Variants in UBAC2 observed in about 807,000 individuals in gnomAD.
The protein encoded by UBAC2 is UBA domain containing 2.
In UBAC2, 26 loss-of-function variants were observed where a neutral mutation model predicts 44.0. That is an observed-to-expected ratio of 0.59 (90% CI 0.43 to 0.82). UBAC2 has a LOEUF of 0.82. UBAC2 is among the 40% of genes least tolerant of loss of function. The pLI, the probability that UBAC2 is intolerant of heterozygous loss-of-function variation, is 0.00. For synonymous variants in UBAC2, 155 were observed against 154.3 expected, an observed-to-expected ratio of 1.00 and a Z score of -0.04; for missense variants, 329 against 419.4, an observed-to-expected ratio of 0.78 and a Z score of 1.88.
intron 6 of UBAC2, among the ~76,000 whole-genome samples, chr13:99,338,040 T>TTTTTTCTTTTTC (rs1341600837): frequency 3.8e-5 from 1 of 26,622 alleles, no homozygotes; most frequent in Non-Finnish European, 1.0e-4. Context: ...ACTTTTTTTC[T>TTTTTTCTTTTTC]TTTTTTCTTT....
intron 8 of UBAC2, among the ~76,000 whole-genome samples, chr13:99,370,090 A>G (rs1317857640): frequency 6.6e-6 from 1 of 152,204 alleles, no homozygotes; most frequent in Non-Finnish European, 1.5e-5. Flanking sequence ...TATGGATTGG[A>G]TATTGGTATT....
intron 4 of UBAC2, among the ~76,000 whole-genome samples, chr13:99,285,903 C>T (rs558163095): frequency 8.6e-4 from 131 of 152,268 alleles, no homozygotes; most frequent in Non-Finnish European, 1.6e-3. Context: ...ACACATCCAA[C>T]GGGGTGCCAG....
chr13:99,282,108 G>A (rs1315363907), intron 4 of UBAC2, among the ~76,000 whole-genome samples: 1 of 152,210 alleles, frequency 6.6e-6, no homozygotes, highest in Non-Finnish European at 1.5e-5. Context: ...GCACTGCAGG[G>A]TGGCTGGCAG....
chr13:99,367,256 C>G (rs1766815746), intron 7 of UBAC2, among the ~76,000 whole-genome samples: 2 of 152,232 alleles, frequency 1.3e-5, no homozygotes, highest in Admixed American at 1.3e-4. Flanking sequence ...GAGGTTTTAT[C>G]ACAGTCTGCA....
chr13:99,376,334 G>A (rs552538130), intron 8 of UBAC2, among the ~76,000 whole-genome samples: 1 of 152,322 alleles, frequency 6.6e-6, no homozygotes, highest in African/African-American at 2.4e-5. Context: ...GACGCCTGTG[G>A]TTCAGAAGCT....
At chr13:99,266,084 G>A (rs2043739779) in intron 4 of UBAC2, among the ~76,000 whole-genome samples, 2 of 151,906 alleles carry the variant, frequency 1.3e-5, no homozygotes, top group African/African-American at 4.8e-5. Context: ...AGTGGGTCTT[G>A]GAGCTCTTCA....
chr13:99,296,699 A>G (rs1297044037), intron 4 of UBAC2, among the ~76,000 whole-genome samples: 3 of 152,170 alleles, frequency 2.0e-5, no homozygotes, highest in Non-Finnish European at 2.9e-5. Context: ...TGTTAACCTA[A>G]AAGTCTGAGA....
chr13:99,357,928 C>T (rs2045211191), intron 7 of UBAC2, among the ~76,000 whole-genome samples: 1 of 152,194 alleles, frequency 6.6e-6, no homozygotes, highest in Admixed American at 6.5e-5. Context: ...TGAGTGCTTG[C>T]ATATGCCAGG....
chr13:99,322,192 C>T (rs2044577024), intron 6 of UBAC2, among the ~76,000 whole-genome samples: 1 of 152,164 alleles, frequency 6.6e-6, no homozygotes, highest in African/African-American at 2.4e-5. Context: ...GAGAGACCTT[C>T]AAAAATTGAA....
At chr13:99,251,165 T>C (rs889412543) in intron 4 of UBAC2, among the ~76,000 whole-genome samples, 2 of 152,216 alleles carry the variant, frequency 1.3e-5, no homozygotes, top group African/African-American at 4.8e-5. Flanking sequence ...GGTTTGACTC[T>C]CAGCTTGAAC....
chr13:99,331,621 C>T (rs2044717228), intron 6 of UBAC2, among the ~76,000 whole-genome samples: 1 of 152,194 alleles, frequency 6.6e-6, no homozygotes, highest in Non-Finnish European at 1.5e-5. Context: ...TAAAGAATAG[C>T]AAGTCTCAGA....
chr13:99,327,017 A>C (rs932387161), intron 6 of UBAC2, among the ~76,000 whole-genome samples: 14 of 152,198 alleles, frequency 9.2e-5, no homozygotes, highest in Non-Finnish European at 1.8e-4. Context: ...TCTCATTAGC[A>C]GACTCTATTT....
At chr13:99,201,181 C>T (rs745776686) in intron 1 of UBAC2, 2 of 1,398,650 alleles carry the variant, frequency 1.4e-6, no homozygotes, top group African/African-American at 1.4e-5. Context: ...CCTGGTATCC[C>T]CAGGTGCTCT....
At chr13:99,298,446 T>G (rs988388035) in intron 4 of UBAC2, among the ~76,000 whole-genome samples, 8 of 152,158 alleles carry the variant, frequency 5.3e-5, no homozygotes, top group Non-Finnish European at 1.0e-4. Flanking sequence ...TGCTTAGAAC[T>G]AAATGATGAA....
At chr13:99,268,927 G>A (rs144786763) in intron 4 of UBAC2, among the ~76,000 whole-genome samples, 187 of 152,286 alleles carry the variant, frequency 1.2e-3, no homozygotes, top group African/African-American at 4.3e-3. Flanking sequence ...AGAAACTGGG[G>A]CAGAACTGTC....
At chr13:99,204,662 C>T (rs894165612) in intron 1 of UBAC2, among the ~76,000 whole-genome samples, 44 of 151,942 alleles carry the variant, frequency 2.9e-4, no homozygotes, top group Non-Finnish European at 4.4e-4. Flanking sequence ...ATTTTCAAAA[C>T]GGGCCTGAAG....
At chr13:99,248,468 T>C (rs1160651941) in intron 4 of UBAC2, among the ~76,000 whole-genome samples, 1 of 151,622 alleles carries the variant, frequency 6.6e-6, no homozygotes. Flanking sequence ...TTCTGCTCAC[T>C]GCAACCTCTG....
chr13:99,328,551 G>A (rs1171753275), intron 6 of UBAC2, among the ~76,000 whole-genome samples: 1 of 152,184 alleles, frequency 6.6e-6, no homozygotes, highest in Non-Finnish European at 1.5e-5. Context: ...TGGGTGTGTA[G>A]TGGTATCTTG....
chr13:99,295,945 G>C lies in UBAC2; in HGVS notation c.390-18152G>C, dbSNP rs902352369. The C allele has an allele frequency of 1.2e-6, 2 of 1,613,858 alleles. No homozygotes were observed. Among genetic ancestry groups the C allele is most frequent in the Non-Finnish European group, 1.7e-6 (2 of 1,179,942 alleles). On this transcript the variant is annotated intron_variant, in intron 4 of 8. Coordinates refer to ENST00000403766, the MANE Select transcript of UBAC2 (RefSeq NM_001144072.2). The surrounding 1 kb of genome is among the most constrained non-coding windows in gnomAD (Gnocchi z 4.1). ...AAATCACCAAATTTGTTGAATAGAG[G>C]GTGGTAGAGTTGATTTTTTTCCTGT...
Sources: allele counts gnomAD v4.1 joint callset (sites outside exome capture counted in the v4.1 genomes callset), GRCh38; gene constraint gnomAD v4.1.1; non-coding constraint Gnocchi (gnomAD v3.1); transcripts MANE v1.5; gene names NCBI Gene and HGNC (gene_info 2026-07-23, HGNC 2026-07-21).